Variants in PTPRB observed in about 807,000 individuals in gnomAD.
PTPRB encodes the protein protein tyrosine phosphatase receptor type B.
In PTPRB, 97 loss-of-function variants were observed where a neutral mutation model predicts 238.1. That is an observed-to-expected ratio of 0.41 (90% CI 0.35 to 0.48). The LOEUF (loss-of-function observed/expected upper bound fraction) is 0.48, where lower values mean the gene tolerates loss of function less well. Among genes scored for constraint, PTPRB ranks in the 20% least tolerant of loss-of-function variants. The pLI, the probability that PTPRB is intolerant of heterozygous loss-of-function variation, is 0.30. For missense variants in PTPRB, 2,292 were observed against 2,681.9 expected (o/e 0.85, Z 3.21); for synonymous variants, 970 against 995.4 (o/e 0.97, Z 0.48).
intron 20 of PTPRB, among the ~76,000 whole-genome samples, chr12:70,554,898 A>T (rs1415266787): frequency 5.3e-5 from 8 of 152,136 alleles, no homozygotes. Context: ...AATGATGGTT[A>T]TTGTTATTAT....
Position 70,563,105 on chromosome 12 carries a change from G to A in PTPRB, c.3907C>T (p.Pro1303Ser). The change falls in exon 16 of 34, where the codon CCA (proline) becomes TCA (serine). Residue 1303 changes from proline (P) to serine (S), a missense_variant and splice_region_variant. Transcript: ENST00000334414. ...KEAQTEGRTV[P>S]AAVTDLRITE... is the part of the protein sequence containing the mutation. ...ATCCTCAGGTCGGTGACAGCTGCTG[G>A]GACTGGAAAAGTCGAGGAGCAAGAG... 6.2e-7 allele frequency: 1 copy of A among 1,611,160 alleles called. No individual in the cohort carries two copies. Among genetic ancestry groups the A allele is most frequent in the Non-Finnish European group, 8.5e-7 (1 of 1,178,290 alleles).
intron 21 of PTPRB, among the ~76,000 whole-genome samples, chr12:70,547,093 G>A (rs570088378): frequency 1.3e-5 from 2 of 151,660 alleles, no homozygotes; most frequent in East Asian, 1.9e-4. Context: ...ATGCTGAAGC[G>A]GTACTAGGCC....
Position 70,552,969 on chromosome 12 carries a change from T to C in PTPRB, c.5195A>G (p.Glu1732Gly). The change falls in exon 21 of 34, where the codon GAG (glutamate) becomes GGG (glycine). Residue 1732 changes from glutamate to glycine, a missense_variant. Glu to Gly is a moderately conservative substitution (Grantham distance 98). Coordinates refer to ENST00000334414, the MANE Select transcript of PTPRB (RefSeq NM_001109754.4). Reference sequence around the variant, plus strand: ...CCGAATGGAGGCATTGTGCCTGTACTCCAGGTAGGAAGGGAGAGGGTGCTG... The same window carrying C: ...CCGAATGGAGGCATTGTGCCTGTACCCCAGGTAGGAAGGGAGAGGGTGCTG... Reference protein sequence around the residue: ...EQQHPLPSYLEYRHNASIRVY... With the variant: ...EQQHPLPSYLGYRHNASIRVY... The C allele has an allele frequency of 6.2e-7, 1 of 1,613,862 alleles. No homozygotes were observed. Among genetic ancestry groups the C allele is most frequent in the South Asian group, 1.1e-5 (1 of 91,082 alleles).
chr12:70,554,492 G>C (rs1463330432), intron 20 of PTPRB, among the ~76,000 whole-genome samples: 4 of 152,154 alleles, frequency 2.6e-5, no homozygotes, highest in African/African-American at 9.7e-5. Context: ...GATATAATAA[G>C]CTTGAAAGCT....
At position 70,572,063 on chromosome 12, in the gene PTPRB, C is replaced by T. The variant is rs202070105; in HGVS notation, c.2867G>A (p.Ser956Asn). ...RTVPDKVQGVSVSNSARSDYL... is the reference protein window; with the variant it reads ...RTVPDKVQGVNVSNSARSDYL... ...GTCACTCCTGGCTGAGTTGCTAACA[C>T]TGACTCCCTGGACTTTGTCAGGCAC... Residue 956 changes from serine (S) to asparagine (N), a missense_variant, in exon 12 of 34, where the codon AGT becomes AAT. By Grantham distance (46) the Ser-to-Asn change is conservative (BLOSUM62 1). Transcript: ENST00000334414. 4.8e-4 allele frequency: 774 copies of T among 1,613,022 alleles called. 5 individuals are homozygous for T. The highest frequency in any genetic ancestry group is 3.1e-3 in the Middle Eastern group (19 of 6,058).
intron 2 of PTPRB, among the ~76,000 whole-genome samples, chr12:70,633,152 T>TA (rs1244385132): frequency 6.6e-6 from 1 of 152,220 alleles, no homozygotes; most frequent in Non-Finnish European, 1.5e-5. Context: ...AATACTTAGT[T>TA]ACCAACTTAA....
chr12:70,589,599 C>T (rs1300640104), intron 8 of PTPRB, among the ~76,000 whole-genome samples: 2 of 152,138 alleles, frequency 1.3e-5, no homozygotes, highest in Non-Finnish European at 2.9e-5. Flanking sequence ...TTCATTGGTA[C>T]CTGAAATCCC....
intron 5 of PTPRB, among the ~76,000 whole-genome samples, chr12:70,595,223 T>A (rs1882889445): frequency 6.6e-6 from 1 of 151,944 alleles, no homozygotes; most frequent in Non-Finnish European, 1.5e-5. Flanking sequence ...CTGCATGTTC[T>A]CACTCATAAG....
chr12:70,600,490 T>C (rs1883384250), intron 4 of PTPRB, among the ~76,000 whole-genome samples: 2 of 152,258 alleles, frequency 1.3e-5, no homozygotes, highest in African/African-American at 2.4e-5. Context: ...GGCATATTTA[T>C]AGAATTTTTC....
chr12:70,550,289 G>T (rs1489047044), intron 21 of PTPRB, among the ~76,000 whole-genome samples: 1 of 152,190 alleles, frequency 6.6e-6, no homozygotes, highest in African/African-American at 2.4e-5. Flanking sequence ...AGGCTCAGGC[G>T]TATAAAAGAA....
At chr12:70,603,891 T>C (rs774474924) in intron 4 of PTPRB, among the ~76,000 whole-genome samples, 7 of 152,152 alleles carry the variant, frequency 4.6e-5, no homozygotes, top group Non-Finnish European at 1.0e-4. Flanking sequence ...CCTTTCACAA[T>C]ACCCCCTCCA....
intron 2 of PTPRB, among the ~76,000 whole-genome samples, chr12:70,630,168 A>G (rs945728187): frequency 3.3e-5 from 5 of 152,214 alleles, no homozygotes; most frequent in African/African-American, 1.2e-4. Flanking sequence ...AAAAATCCTC[A>G]ATAAAATACT....
intron 23 of PTPRB, 104 bp from the exon 24 acceptor site, chr12:70,540,126 T>G: frequency 1.0e-6 from 1 of 983,018 alleles, no homozygotes; most frequent in South Asian, 1.6e-5. Flanking sequence ...ATATGGATTT[T>G]TCAGTATTCA....
In PTPRB at chr12:70,518,319, G is replaced by A. The variant is rs1871344530; in HGVS notation, c.*3170C>T. 6.6e-6 allele frequency: 1 copy of A among 152,200 alleles called. No individual in the cohort carries two copies. Among genetic ancestry groups the A allele is most frequent in the Non-Finnish European group, 1.5e-5 (1 of 68,092 alleles). The allele number at this position is 152,200 out of a possible 1,614,324, so 9.4% of individuals were successfully genotyped here. A position where few individuals can be genotyped will look rare whatever the true frequency, so the allele number is the denominator to read the frequency against. On this transcript the variant is annotated 3_prime_UTR_variant, in exon 34 of 34. Coordinates refer to ENST00000334414, the MANE Select transcript of PTPRB (RefSeq NM_001109754.4). ...ATGGTGGCAGGCACCTGTAATTCCA[G>A]CTACTTGGGAGGCTAAGGCAGAATC... is the stretch of plus-strand genomic sequence containing the variant.
At chr12:70,577,580 T>G (rs918256542) in intron 10 of PTPRB, among the ~76,000 whole-genome samples, 1 of 152,230 alleles carries the variant, frequency 6.6e-6, no homozygotes, top group African/African-American at 2.4e-5. Context: ...TGAACTACAC[T>G]ACTGTTTTAA....
Position 70,555,294 on chromosome 12 carries a change from G to T in PTPRB, c.5009C>A (p.Pro1670His), listed in dbSNP as rs1485302812. Residue 1670 changes from proline to histidine, a missense_variant, in exon 20 of 34, where the codon CCC (proline) becomes CAC (histidine). By Grantham distance (77) the Pro-to-His change is moderately conservative. Coordinates refer to ENST00000334414, the MANE Select transcript of PTPRB (RefSeq NM_001109754.4). ...ITMIDRPPPPPPHIRVNEKDV... is the reference protein window; with the variant it reads ...ITMIDRPPPPHPHIRVNEKDV... The stretch of plus-strand genomic sequence containing the variant: ...CTTTTCATTCACACGAATGTGTGGG[G>T]GTGGAGGAGGGGGGCCTGGAAAAAG... 1 of 1,612,264 alleles carries T rather than the reference G, an allele frequency of 6.2e-7. No homozygotes were observed. The highest frequency in any genetic ancestry group is 8.5e-7 in the Non-Finnish European group (1 of 1,179,466).
In PTPRB at chr12:70,633,375, G is replaced by T. The variant is rs1885538214; in HGVS notation, c.451+2296C>A. 2.0e-5 allele frequency among the ~76,000 whole-genome samples: 3 copies of T among 152,094 alleles called. No individual in the cohort carries two copies. The South Asian group carries it at 6.2e-4, about 32-fold the overall frequency. ...GGATCACTTGAGCCCAGGAGTTGGA[G>T]GCTACATTGAGCTATGATCACACCA... is the stretch of plus-strand genomic sequence containing the variant. On this transcript the variant is annotated intron_variant, in intron 2 of 33. Transcript: ENST00000334414.
chr12:70,595,098 C>T (rs977175534), intron 5 of PTPRB, among the ~76,000 whole-genome samples: 1 of 152,114 alleles, frequency 6.6e-6, no homozygotes, highest in Non-Finnish European at 1.5e-5. Context: ...CACATATACA[C>T]CATGGAATAC....
intron 19 of PTPRB, among the ~76,000 whole-genome samples, 174 bp downstream of exon 19, chr12:70,555,696 A>G (rs1275334191): frequency 2.1e-5 from 2 of 93,186 alleles, no homozygotes; most frequent in African/African-American, 8.9e-5. Context: ...ACCCAGAGAA[A>G]TGTTTCCATT....
Sources: allele counts gnomAD v4.1 joint callset (sites outside exome capture counted in the v4.1 genomes callset), GRCh38; gene constraint gnomAD v4.1.1; transcripts MANE v1.5; gene names NCBI Gene and HGNC (gene_info 2026-07-23, HGNC 2026-07-21).